Variants in RBMS3 observed in about 807,000 individuals in gnomAD.
RBMS3 encodes the protein RNA-binding motif, single-stranded-interacting protein 3.
Under a neutral mutation model 66.8 loss-of-function variants are expected in RBMS3, and 27 were observed. That is an observed-to-expected ratio of 0.40 (90% CI 0.30 to 0.56). RBMS3 has a LOEUF of 0.56. RBMS3 is among the 20% of genes least tolerant of loss of function. The pLI is 0.40. For synonymous variants in RBMS3, 188 were observed against 183.0 expected (o/e 1.03, Z -0.22); for missense variants, 513 against 549.5 (o/e 0.93, Z 0.66).
chr3:29,609,990 C>T (rs2048440600), intron 4 of RBMS3, among the ~76,000 whole-genome samples: 1 of 152,042 alleles, frequency 6.6e-6, no homozygotes, highest in Non-Finnish European at 1.5e-5. Context: ...TGCATGTATG[C>T]TGCTAAAACA....
chr3:29,959,805 A>G (rs1296677669), intron 12 of RBMS3, among the ~76,000 whole-genome samples: 1 of 152,056 alleles, frequency 6.6e-6, no homozygotes, highest in Non-Finnish European at 1.5e-5. Flanking sequence ...CCCTTATAAA[A>G]CCATCAGATC....
chr3:29,493,861 A>G (rs2043641218), intron 3 of RBMS3, among the ~76,000 whole-genome samples: 1 of 152,176 alleles, frequency 6.6e-6, no homozygotes, highest in South Asian at 2.1e-4. Context: ...TATTTAGGAA[A>G]GAAATTACAG....
chr3:29,822,528 C>A (rs1559708328), intron 6 of RBMS3, among the ~76,000 whole-genome samples: 1 of 152,142 alleles, frequency 6.6e-6, no homozygotes, highest in African/African-American at 2.4e-5. Context: ...TTTGGAGACA[C>A]TTCGATTATT....
intron 1 of RBMS3, among the ~76,000 whole-genome samples, chr3:29,313,843 C>T (rs1052606685): frequency 2.5e-4 from 38 of 151,574 alleles, no homozygotes; most frequent in Non-Finnish European, 1.6e-4. Context: ...GAATTCCAGC[C>T]TCAAGTCTTG....
At chr3:29,374,926 T>G (rs528185092) in intron 1 of RBMS3, among the ~76,000 whole-genome samples, 1 of 152,354 alleles carries the variant, frequency 6.6e-6, no homozygotes, top group Admixed American at 6.5e-5. Context: ...TTTCCAAACC[T>G]GCATTCTATA....
intron 1 of RBMS3, among the ~76,000 whole-genome samples, chr3:29,343,697 C>G (rs1043798792): frequency 2.0e-5 from 3 of 152,164 alleles, no homozygotes. Context: ...CCAGTTCAAC[C>G]TCATTGTCCA....
rs142434928 is a variant in RBMS3, at chr3:29,297,679, G to T, written c.75+15923G>T. On this transcript the variant is annotated intron_variant, in intron 1 of 14. Coordinates refer to ENST00000383767, the MANE Select transcript of RBMS3 (RefSeq NM_001003793.3). ...TCTGAGATGAATATATTGGAAAGTTGTCTGGTTCTTACATTGCTATATTTC... is the reference window on the plus strand; with the variant it reads ...TCTGAGATGAATATATTGGAAAGTTTTCTGGTTCTTACATTGCTATATTTC... Among the ~76,000 whole-genome samples the T allele has an allele frequency of 2.7e-3, 412 of 151,930 alleles. 3 individuals carry two copies. Among genetic ancestry groups the T allele is most frequent in the African/African-American group, 9.2e-3 (382 of 41,512 alleles).
chr3:29,629,584 G>A (rs2049206264), intron 4 of RBMS3, among the ~76,000 whole-genome samples: 1 of 152,050 alleles, frequency 6.6e-6, no homozygotes, highest in South Asian at 2.1e-4. Context: ...GATTCAGATA[G>A]CATGGTTTTT....
At chr3:29,394,812 C>G (rs1191125866) in intron 1 of RBMS3, among the ~76,000 whole-genome samples, 1 of 152,134 alleles carries the variant, frequency 6.6e-6, no homozygotes, top group Non-Finnish European at 1.5e-5. Context: ...TGTTACTTTT[C>G]TGGTTCAGAC....
At chr3:29,515,961 G>A (rs1001758566) in intron 3 of RBMS3, among the ~76,000 whole-genome samples, 6 of 152,180 alleles carry the variant, frequency 3.9e-5, no homozygotes, top group Non-Finnish European at 7.3e-5. Flanking sequence ...ACAGAATGCC[G>A]GTAGGGAAGA....
At chr3:29,954,922 T>A (rs977819531) in intron 12 of RBMS3, among the ~76,000 whole-genome samples, 1 of 152,092 alleles carries the variant, frequency 6.6e-6, no homozygotes, top group African/African-American at 2.4e-5. Flanking sequence ...AATTAGGAGT[T>A]ACCTTAGTAG....
intron 3 of RBMS3, among the ~76,000 whole-genome samples, chr3:29,543,579 G>A (rs1000236256): frequency 8.6e-5 from 13 of 152,018 alleles, no homozygotes; most frequent in Admixed American, 3.9e-4. Context: ...GTTTGGTGGC[G>A]CAAGTCTGTA....
At chr3:29,854,594 G>C (rs2059025107) in intron 6 of RBMS3, among the ~76,000 whole-genome samples, 1 of 152,168 alleles carries the variant, frequency 6.6e-6, no homozygotes, top group Non-Finnish European at 1.5e-5. Context: ...CGTAGAGAAA[G>C]GAAGGTTGAC....
chr3:29,839,950 A>C (rs1445758526), intron 6 of RBMS3, among the ~76,000 whole-genome samples: 1 of 152,064 alleles, frequency 6.6e-6, no homozygotes, highest in Non-Finnish European at 1.5e-5. Flanking sequence ...CATTTATACC[A>C]GTTACCTATC....
intron 1 of RBMS3, among the ~76,000 whole-genome samples, chr3:29,422,899 T>G (rs2040808873): frequency 1.3e-5 from 2 of 152,216 alleles, no homozygotes. Context: ...ATTTAGGACT[T>G]CAAAGGCCTA....
chr3:29,737,518 A>G (rs1219737491), intron 4 of RBMS3, among the ~76,000 whole-genome samples: 2 of 152,138 alleles, frequency 1.3e-5, no homozygotes, highest in African/African-American at 4.8e-5. Flanking sequence ...GCAAGATTGA[A>G]TCTTTCATGT....
At chr3:29,737,684 C>T (rs929422368) in intron 4 of RBMS3, among the ~76,000 whole-genome samples, 1 of 151,798 alleles carries the variant, frequency 6.6e-6, no homozygotes, top group Non-Finnish European at 1.5e-5. Context: ...CTGAAATGTC[C>T]CCTTTTTTTT....
chr3:29,287,814 T>C (rs2032487332), intron 1 of RBMS3, among the ~76,000 whole-genome samples: 1 of 152,032 alleles, frequency 6.6e-6, no homozygotes, highest in Non-Finnish European at 1.5e-5. Flanking sequence ...GCTTATAGAA[T>C]TGGCTATTTT....
intron 5 of RBMS3, among the ~76,000 whole-genome samples, chr3:29,743,878 A>G (rs1270913815): frequency 7.0e-6 from 1 of 143,432 alleles, no homozygotes; most frequent in Non-Finnish European, 1.5e-5. Context: ...TATATCTCCT[A>G]ATGCTATCCC....
Sources: allele counts gnomAD v4.1 joint callset (sites outside exome capture counted in the v4.1 genomes callset), GRCh38; gene constraint gnomAD v4.1.1; transcripts MANE v1.5; gene names NCBI Gene and HGNC (gene_info 2026-07-23, HGNC 2026-07-21).